Variants in CDH12 observed in about 807,000 individuals in gnomAD.
CDH12 encodes cadherin 12.
A neutral mutation model predicts 74.1 loss-of-function variants in CDH12; 41 were observed. The observed-to-expected ratio is 0.55, with a 90% CI of 0.43 to 0.72. The LOEUF (loss-of-function observed/expected upper bound fraction) is 0.72. Ranked by LOEUF, CDH12 falls within the 30% of genes least tolerant of loss-of-function variation. CDH12 has a pLI of 0.00. For synonymous variants in CDH12, 399 were observed against 355.0 expected, an observed-to-expected ratio of 1.12 and a Z score of -1.39; for missense variants, 945 against 977.2, an observed-to-expected ratio of 0.97 and a Z score of 0.44.
intron 1 of CDH12, among the ~76,000 whole-genome samples, chr5:22,609,596 C>T (rs1000126263): frequency 1.3e-5 from 2 of 152,126 alleles, no homozygotes; most frequent in African/African-American, 2.4e-5. Flanking sequence ...AAGAGAAATG[C>T]TCATTCTAAG....
At chr5:22,229,851 T>A (rs535369168) in intron 3 of CDH12, among the ~76,000 whole-genome samples, 2 of 152,026 alleles carry the variant, frequency 1.3e-5, no homozygotes, top group African/African-American at 4.8e-5. Context: ...GGTGACCTTT[T>A]CTAATTGATA....
intron 2 of CDH12, among the ~76,000 whole-genome samples, chr5:22,488,699 A>G (rs1746711512): frequency 6.6e-6 from 1 of 152,060 alleles, no homozygotes. Context: ...AACTGCACCT[A>G]TTTCCAAGAG....
intron 5 of CDH12, among the ~76,000 whole-genome samples, chr5:22,059,314 TATCC>T (rs1357930713): frequency 2.9e-4 from 44 of 151,668 alleles, no homozygotes; most frequent in East Asian, 1.6e-3. Flanking sequence ...ATCTATCATC[TATCC>T]ATCTATCGTC....
At chr5:22,474,098 G>C (rs964773384) in intron 2 of CDH12, among the ~76,000 whole-genome samples, 2 of 152,082 alleles carry the variant, frequency 1.3e-5, no homozygotes, top group South Asian at 2.1e-4. Context: ...ATTTAGTAAT[G>C]AGTCACAAGG....
intron 1 of CDH12, among the ~76,000 whole-genome samples, chr5:22,605,219 C>T (rs928828423): frequency 1.3e-5 from 2 of 152,166 alleles, no homozygotes; most frequent in Non-Finnish European, 2.9e-5. Flanking sequence ...CACTCCGAGG[C>T]GTGGAGCCTG....
chr5:21,752,013 C>T lies in CDH12; in HGVS notation c.2109G>A (p.Gln703=). Residue 703 remains glutamine (Q), a synonymous_variant, in exon 15 of 15, where the codon CAG becomes CAA. Transcript: ENST00000382254. ...CTGTGTTATCTTCCATGGGTGGTCT[C>T]TGACGAGGTAAACAGAGAGAGTCTG... ...IKPDSLCLPR[Q]RPPMEDNTDI... 1 of 1,614,078 alleles carries T rather than the reference C, an allele frequency of 6.2e-7. No homozygotes were observed. Among genetic ancestry groups the T allele is most frequent in the Non-Finnish European group, 8.5e-7 (1 of 1,180,010 alleles).
Position 22,033,939 on chromosome 5 carries a change from A to G in CDH12, c.231+44507T>C, listed in dbSNP as rs150583225. Among the ~76,000 whole-genome samples, 1,010 of 152,284 alleles carry G rather than the reference A, an allele frequency of 6.6e-3. 9 individuals are homozygous for G. The highest frequency in any genetic ancestry group is 0.022 in the African/African-American group (909 of 41,558). Reference sequence around the variant, plus strand: ...ACACTATTCTCCCTAGCTGGAATATAAACTCCATGAATGTAATGAGTGTGA... The same window carrying G: ...ACACTATTCTCCCTAGCTGGAATATGAACTCCATGAATGTAATGAGTGTGA... On this transcript the variant is annotated intron_variant, in intron 5 of 14. Coordinates refer to ENST00000382254, the MANE Select transcript of CDH12 (RefSeq NM_004061.5).
At chr5:22,491,048 T>C (rs1054953363) in intron 2 of CDH12, among the ~76,000 whole-genome samples, 7 of 152,224 alleles carry the variant, frequency 4.6e-5, no homozygotes, top group Non-Finnish European at 8.8e-5. Flanking sequence ...CATAGGTATA[T>C]TGCACGACAC....
intron 1 of CDH12, among the ~76,000 whole-genome samples, chr5:22,664,678 T>C (rs1740520375): frequency 6.6e-6 from 1 of 152,112 alleles, no homozygotes; most frequent in South Asian, 2.1e-4. Context: ...TCACTTAAAT[T>C]CTCTGTTAAA....
chr5:22,108,758 C>A (rs1306444386), intron 4 of CDH12, among the ~76,000 whole-genome samples: 6 of 152,260 alleles, frequency 3.9e-5, no homozygotes, highest in Admixed American at 2.0e-4. Context: ...ACACAGATGA[C>A]AAATAATGAC....
intron 1 of CDH12, among the ~76,000 whole-genome samples, chr5:22,664,015 A>G (rs1041682150): frequency 6.6e-6 from 1 of 152,158 alleles, no homozygotes; most frequent in Non-Finnish European, 1.5e-5. Flanking sequence ...TCTAGTACAT[A>G]AAGTCCTTTT....
At chr5:22,804,918 T>C (rs1748706609) in intron 1 of CDH12, among the ~76,000 whole-genome samples, 1 of 152,082 alleles carries the variant, frequency 6.6e-6, no homozygotes, top group Admixed American at 6.6e-5. Flanking sequence ...AAAGTAACTG[T>C]GGTTTTTATC....
chr5:22,518,672 T>C (rs1736910085), intron 1 of CDH12, among the ~76,000 whole-genome samples: 1 of 152,212 alleles, frequency 6.6e-6, no homozygotes, highest in African/African-American at 2.4e-5. Context: ...TAGCATGTAA[T>C]ATTTCACAAT....
intron 4 of CDH12, among the ~76,000 whole-genome samples, chr5:22,102,165 A>T (rs889796633): frequency 1.3e-5 from 2 of 152,064 alleles, no homozygotes; most frequent in African/African-American, 4.8e-5. Flanking sequence ...TGTTTGTTTA[A>T]TTTTTTCCCC....
At chr5:21,878,786 AAAG>A (rs1353099810) in intron 6 of CDH12, among the ~76,000 whole-genome samples, 3 of 78,372 alleles carry the variant, frequency 3.8e-5, no homozygotes, top group South Asian at 4.5e-4. Context: ...AGAAAGAAAA[AAAG>A]AAAGAAAGAA....
chr5:22,679,485 C>T (rs890099418), intron 1 of CDH12, among the ~76,000 whole-genome samples: 2 of 151,918 alleles, frequency 1.3e-5, no homozygotes, highest in African/African-American at 4.8e-5. Flanking sequence ...AAAAAAATGC[C>T]TTGTGACCAG....
intron 3 of CDH12, among the ~76,000 whole-genome samples, chr5:22,389,838 G>A (rs1229218558): frequency 6.6e-6 from 1 of 151,710 alleles, no homozygotes; most frequent in Non-Finnish European, 1.5e-5. Context: ...TTAGTAGAGA[G>A]GGGGTTTCAC....
At chr5:22,369,157 A>T (rs1741161840) in intron 3 of CDH12, among the ~76,000 whole-genome samples, 1 of 150,598 alleles carries the variant, frequency 6.6e-6, no homozygotes, top group Non-Finnish European at 1.5e-5. Context: ...TGAATAAAAA[A>T]TAAAATAAAA....
intron 1 of CDH12, among the ~76,000 whole-genome samples, chr5:22,704,254 A>G (rs1742866745): frequency 6.6e-6 from 1 of 152,104 alleles, no homozygotes; most frequent in Admixed American, 6.6e-5. Context: ...GAAGCTGGAG[A>G]GAGAGGATGC....
Sources: allele counts gnomAD v4.1 joint callset (sites outside exome capture counted in the v4.1 genomes callset), GRCh38; gene constraint gnomAD v4.1.1; transcripts MANE v1.5; gene names NCBI Gene and HGNC (gene_info 2026-07-23, HGNC 2026-07-21).